The following DNAJB6 variants were observed in gnomAD, a reference collection of about 807,000 sequenced individuals.
The protein encoded by DNAJB6 is DnaJ heat shock protein family (Hsp40) member B6, also known as dnaJ homolog subfamily B member 6.
Under a neutral mutation model 42.7 loss-of-function variants are expected in DNAJB6, and 16 were observed. The ratio of observed to expected loss-of-function variants is 0.37; its 90% CI spans 0.25 to 0.57. The LOEUF is 0.57. Among genes scored for constraint, DNAJB6 ranks in the 20% least tolerant of loss-of-function variants. DNAJB6 has a pLI of 0.74. For synonymous variants in DNAJB6, 170 were observed against 163.5 expected (o/e 1.04, Z -0.30); for missense variants, 347 against 416.8 (o/e 0.83, Z 1.46).
In DNAJB6 at chr7:157,391,430, TGTCCATGGGTCAGTG is replaced by T. The variant is rs536185319; in HGVS notation, c.691+5824_691+5838del. Among the ~76,000 whole-genome samples, 233 of 152,376 alleles carry T rather than the reference TGTCCATGGGTCAGTG, an allele frequency of 1.5e-3. 1 individual carries two copies. The highest frequency in any genetic ancestry group is 5.0e-3 in the African/African-American group (208 of 41,594). On this transcript the variant is annotated intron_variant, in intron 8 of 9. Coordinates refer to ENST00000262177, the MANE Select transcript of DNAJB6 (RefSeq NM_058246.4). ...GAGTCTTTTCAGCCGTATCTTTCCG[TGTCCATGGGTCAGTG>T]GTCCCTGCACAGATGAATTGGCACT...
chr7:157,338,045 C>T (rs1164683538), intron 1 of DNAJB6, among the ~76,000 whole-genome samples: 1 of 152,188 alleles, frequency 6.6e-6, no homozygotes, highest in Non-Finnish European at 1.5e-5. Context: ...CTGAGCGGCG[C>T]TCTTTGTAGT....
At chr7:157,407,282 C>G (rs1214160138) in intron 8 of DNAJB6, among the ~76,000 whole-genome samples, 2 of 152,214 alleles carry the variant, frequency 1.3e-5, no homozygotes, top group African/African-American at 4.8e-5. Context: ...GCACGGGGGG[C>G]TGTGACTGGG....
intron 8 of DNAJB6, among the ~76,000 whole-genome samples, chr7:157,388,640 G>GGC (rs1801197427): frequency 2.7e-5 from 4 of 147,806 alleles, no homozygotes; most frequent in Admixed American, 2.0e-4. Context: ...ATAGCTTTTG[G>GGC]GGGGGGGGTA....
At position 157,357,212 on chromosome 7, in the gene DNAJB6, GT is replaced by G. The variant is rs1799325363; in HGVS notation, c.-26-1334del. ...GTCTTTGTGGCTTTGTGATACTGTT[GT>G]CCTTCCTTCCTTCCTTCCTTCCTTC... On this transcript the variant is annotated intron_variant, in intron 1 of 9. Coordinates refer to ENST00000262177, the MANE Select transcript of DNAJB6 (RefSeq NM_058246.4). Among the ~76,000 whole-genome samples, 160 of 61,842 alleles carry G rather than the reference GT, an allele frequency of 2.6e-3. 17 individuals carry two copies. Among genetic ancestry groups the G allele is most frequent in the African/African-American group, 8.2e-3 (151 of 18,516 alleles). 40.6% of individuals were successfully genotyped at this position (61,842 alleles called of 152,430 possible). A position where few individuals can be genotyped will look rare whatever the true frequency, so the allele number is the denominator to read the frequency against.
intron 1 of DNAJB6, among the ~76,000 whole-genome samples, chr7:157,358,216 C>T (rs1799405966): frequency 6.6e-6 from 1 of 152,200 alleles, no homozygotes; most frequent in South Asian, 2.1e-4. Context: ...CAGACCGTGT[C>T]TAGGAACACA....
intron 8 of DNAJB6, among the ~76,000 whole-genome samples, chr7:157,387,044 A>G (rs1247455686): frequency 2.0e-5 from 3 of 152,268 alleles, no homozygotes; most frequent in Non-Finnish European, 4.4e-5. Context: ...CAGCGTGAAA[A>G]CCGCTAGAAG....
At chr7:157,390,299 G>A (rs532215989) in intron 8 of DNAJB6, among the ~76,000 whole-genome samples, 2 of 152,358 alleles carry the variant, frequency 1.3e-5, no homozygotes, top group South Asian at 4.1e-4. Flanking sequence ...GCTTTACAAA[G>A]ATTCTCCACT....
chr7:157,382,214 A>G (rs1800818660), intron 5 of DNAJB6, 32 bp from the exon 6 acceptor site: 1 of 1,546,502 alleles, frequency 6.5e-7, no homozygotes. Context: ...TGAAAAAAAG[A>G]CTTCATAGTG....
intron 8 of DNAJB6, among the ~76,000 whole-genome samples, chr7:157,394,729 G>A (rs964454448): frequency 5.9e-5 from 9 of 152,200 alleles, no homozygotes; most frequent in African/African-American, 2.2e-4. Context: ...GGATGGGTGC[G>A]ATTTCCCTCT....
intron 8 of DNAJB6, among the ~76,000 whole-genome samples, chr7:157,400,050 A>T (rs111747384): frequency 3.1e-4 from 47 of 152,348 alleles, no homozygotes; most frequent in African/African-American, 9.6e-4. Context: ...GGGAAAGTGC[A>T]GTATTTTGTA....
At chr7:157,382,215 C>T in intron 5 of DNAJB6, 31 bp from the exon 6 acceptor site, 1 of 1,551,924 alleles carries the variant, frequency 6.4e-7, no homozygotes, top group East Asian at 2.3e-5. Flanking sequence ...GAAAAAAAGA[C>T]TTCATAGTGT....
At chr7:157,367,273 T>G in intron 4 of DNAJB6, 100 bp from the exon 5 acceptor site, 3 of 810,932 alleles carry the variant, frequency 3.7e-6, no homozygotes, top group East Asian at 2.5e-5. Flanking sequence ...TATTTTTGTT[T>G]TTATTAGTTC....
At chr7:157,402,541 T>C (rs1563149268) in intron 8 of DNAJB6, among the ~76,000 whole-genome samples, 3 of 152,172 alleles carry the variant, frequency 2.0e-5, no homozygotes, top group Non-Finnish European at 4.4e-5. Flanking sequence ...TCCATCTCCA[T>C]TCAGAGACAA....
intron 5 of DNAJB6, chr7:157,369,343 C>G (rs1799999601): frequency 4.4e-6 from 2 of 456,590 alleles, no homozygotes; most frequent in African/African-American, 4.0e-5. Context: ...CAGCAAACTG[C>G]ATTTGTTGCT....
intron 4 of DNAJB6, 32 bp downstream of exon 4, chr7:157,366,593 A>G: frequency 6.3e-7 from 1 of 1,599,162 alleles, no homozygotes; most frequent in Non-Finnish European, 8.6e-7. Context: ...TTGAAGACAA[A>G]AGGTCTTGGC....
At chr7:157,357,212 G>GTTCGTTCTC (rs1554454979) in intron 1 of DNAJB6, among the ~76,000 whole-genome samples, 1 of 61,850 alleles carries the variant, frequency 1.6e-5, no homozygotes, top group African/African-American at 5.4e-5. Context: ...TGATACTGTT[G>GTTCGTTCTC]TCCTTCCTTC....
chr7:157,378,695 C>T (rs1243175276), intron 5 of DNAJB6: 6 of 152,230 alleles, frequency 3.9e-5, no homozygotes, highest in East Asian at 1.9e-4. Context: ...AGTTCCCTGA[C>T]GTAGAATTGC....
intron 5 of DNAJB6, among the ~76,000 whole-genome samples, chr7:157,375,848 C>CTAGGTTT (rs920582179): frequency 2.4e-4 from 37 of 152,314 alleles, no homozygotes; most frequent in African/African-American, 8.4e-4. Flanking sequence ...GGGCGGCTGT[C>CTAGGTTT]TAGGTTTTAG....
intron 7 of DNAJB6, among the ~76,000 whole-genome samples, 182 bp from the exon 8 acceptor site, chr7:157,385,359 G>A (rs1801000513): frequency 6.6e-6 from 1 of 152,186 alleles, no homozygotes; most frequent in Non-Finnish European, 1.5e-5. Flanking sequence ...TATTTTGTCA[G>A]GTTAATTCTA....
Sources: gnomAD v4.1 joint callset for allele counts (sites outside exome capture counted in the v4.1 genomes callset) on GRCh38, gnomAD v4.1.1 for gene constraint, MANE v1.5 for transcripts, NCBI Gene and HGNC (gene_info 2026-07-23, HGNC 2026-07-21) for gene names.